Variants in PLCXD3 observed in about 807,000 individuals in gnomAD.
The protein encoded by PLCXD3 is PI-PLC X domain-containing protein 3.
A neutral mutation model predicts 25.5 loss-of-function variants in PLCXD3; 19 were observed. That is an observed-to-expected ratio of 0.75 (90% CI 0.52 to 1.09). The LOEUF is 1.09. Among genes scored for constraint, PLCXD3 ranks in the 50% least tolerant of loss-of-function variants. The probability of loss-of-function intolerance (pLI) is 0.00; values close to 1 mark genes in which losing one functional copy is unlikely to be tolerated. For missense variants in PLCXD3, 411 were observed against 388.1 expected, an observed-to-expected ratio of 1.06 and a Z score of -0.50; for synonymous variants, 174 against 137.6, an observed-to-expected ratio of 1.26 and a Z score of -1.85.
intron 1 of PLCXD3, among the ~76,000 whole-genome samples, chr5:41,489,719 G>C (rs541912572): frequency 1.3e-5 from 2 of 152,188 alleles, no homozygotes; most frequent in East Asian, 1.9e-4. Flanking sequence ...GTTCACTCAT[G>C]ATTTGGCTCT....
At chr5:41,436,651 A>G (rs1168347438) in intron 1 of PLCXD3, among the ~76,000 whole-genome samples, 2 of 152,180 alleles carry the variant, frequency 1.3e-5, no homozygotes, top group East Asian at 1.9e-4. Flanking sequence ...TTTCAATGCA[A>G]CAAAACCACC....
intron 1 of PLCXD3, among the ~76,000 whole-genome samples, chr5:41,411,080 A>C (rs1333975252): frequency 6.6e-6 from 1 of 152,174 alleles, no homozygotes; most frequent in Non-Finnish European, 1.5e-5. Flanking sequence ...ACTATTCTGA[A>C]AGACAATGAC....
chr5:41,419,421 A>G (rs1025920794), intron 1 of PLCXD3, among the ~76,000 whole-genome samples: 12 of 152,210 alleles, frequency 7.9e-5, no homozygotes, highest in Non-Finnish European at 1.6e-4. Context: ...TTCCTAGGAT[A>G]TGATAGTGTT....
At chr5:41,317,013 C>A (rs1296583491) in intron 2 of PLCXD3, among the ~76,000 whole-genome samples, 1 of 152,204 alleles carries the variant, frequency 6.6e-6, no homozygotes. Context: ...AGAAACCATA[C>A]ACAATAGCCA....
chr5:41,508,109 G>C (rs1052647524), intron 1 of PLCXD3, among the ~76,000 whole-genome samples: 1 of 152,204 alleles, frequency 6.6e-6, no homozygotes, highest in East Asian at 1.9e-4. Flanking sequence ...GTATTGGAGT[G>C]AGAAGGGGAA....
At position 41,458,054 on chromosome 5, in the gene PLCXD3, A is replaced by T. The variant is rs543710896; in HGVS notation, c.103+52370T>A. 3.2e-4 allele frequency among the ~76,000 whole-genome samples: 48 copies of T among 151,976 alleles called. 1 individual carries two copies. The South Asian group carries it at 9.3e-3, about 30-fold the overall frequency. ...TATGGTTGCTTGAGACAGAACAATGATTTAAAAGGGAGAAACTAAATAGGA... is the reference window on the plus strand; with the variant it reads ...TATGGTTGCTTGAGACAGAACAATGTTTTAAAAGGGAGAAACTAAATAGGA... On this transcript the variant is annotated intron_variant, in intron 1 of 2. Transcript: ENST00000377801.
intron 1 of PLCXD3, among the ~76,000 whole-genome samples, chr5:41,414,922 G>T (rs1471204413): frequency 6.6e-6 from 1 of 152,120 alleles, no homozygotes; most frequent in African/African-American, 2.4e-5. Context: ...TGCGATAATG[G>T]CCTGAAAGCT....
At chr5:41,446,408 C>G (rs931931271) in intron 1 of PLCXD3, among the ~76,000 whole-genome samples, 2 of 151,964 alleles carry the variant, frequency 1.3e-5, no homozygotes, top group East Asian at 3.9e-4. Context: ...GCTGGCTGTT[C>G]ATTCTAAAAC....
Position 41,382,537 on chromosome 5 carries a change from A to G in PLCXD3, c.104-3T>C, listed in dbSNP as rs779109844. On this transcript the variant is annotated splice_region_variant and splice_polypyrimidine_tract_variant and intron_variant, in intron 1 of 2. Transcript: ENST00000377801. ...GAAGCTGAAGGAATCATGAGACCCT[A>G]GGAGAATAACAAGGCATAGTGTGGT... The G allele has an allele frequency of 1.3e-5, 21 of 1,583,908 alleles. No individual in the cohort carries two copies. The East Asian group carries it at 4.5e-4, about 34-fold the overall frequency.
At chr5:41,480,295 T>G (rs1308455461) in intron 1 of PLCXD3, among the ~76,000 whole-genome samples, 2 of 152,130 alleles carry the variant, frequency 1.3e-5, no homozygotes, top group Non-Finnish European at 2.9e-5. Flanking sequence ...TGAGAGGCTC[T>G]CTGAGCTCCA....
chr5:41,492,529 T>C (rs1580400992), intron 1 of PLCXD3, among the ~76,000 whole-genome samples: 1 of 152,340 alleles, frequency 6.6e-6, no homozygotes, highest in East Asian at 1.9e-4. Context: ...CTGCAGAGTG[T>C]TTTCCAATTT....
At chr5:41,368,725 T>C (rs1451393420) in intron 2 of PLCXD3, among the ~76,000 whole-genome samples, 2 of 152,212 alleles carry the variant, frequency 1.3e-5, no homozygotes, top group Non-Finnish European at 2.9e-5. Context: ...ATACCTAATT[T>C]ATTGAGAGCT....
At chr5:41,391,486 A>G (rs1238101252) in intron 1 of PLCXD3, among the ~76,000 whole-genome samples, 2 of 152,182 alleles carry the variant, frequency 1.3e-5, no homozygotes, top group Non-Finnish European at 2.9e-5. Flanking sequence ...CCTTGAAGAA[A>G]GAGATGTAGT....
chr5:41,402,235 C>A (rs1561261975), intron 1 of PLCXD3, among the ~76,000 whole-genome samples: 1 of 151,586 alleles, frequency 6.6e-6, no homozygotes, highest in Non-Finnish European at 1.5e-5. Flanking sequence ...ATAGCTTTTT[C>A]TCTAAGTACT....
At chr5:41,400,075 G>C (rs1471898009) in intron 1 of PLCXD3, among the ~76,000 whole-genome samples, 1 of 152,040 alleles carries the variant, frequency 6.6e-6, no homozygotes, top group Admixed American at 6.6e-5. Flanking sequence ...AGACAAACAG[G>C]CATGTGAACA....
chr5:41,402,233 T>C (rs1029588815), intron 1 of PLCXD3, among the ~76,000 whole-genome samples: 1 of 151,858 alleles, frequency 6.6e-6, no homozygotes, highest in Non-Finnish European at 1.5e-5. Flanking sequence ...TGATAGCTTT[T>C]TCTCTAAGTA....
chr5:41,320,590 G>A (rs1242045008), intron 2 of PLCXD3, among the ~76,000 whole-genome samples: 2 of 152,144 alleles, frequency 1.3e-5, no homozygotes, highest in Non-Finnish European at 2.9e-5. Flanking sequence ...TCCACCTCCC[G>A]GGTTCACACC....
intron 1 of PLCXD3, among the ~76,000 whole-genome samples, chr5:41,506,922 A>G (rs190880770): frequency 6.6e-6 from 1 of 152,224 alleles, no homozygotes; most frequent in East Asian, 1.9e-4. Context: ...TGTGGCCAAT[A>G]TTTTATTATT....
chr5:41,321,592 T>A (rs180714756), intron 2 of PLCXD3, among the ~76,000 whole-genome samples: 6 of 152,270 alleles, frequency 3.9e-5, no homozygotes, highest in African/African-American at 1.4e-4. Context: ...CTAAAATTTA[T>A]GTGGAAACAC....
Sources: allele counts gnomAD v4.1 joint callset (sites outside exome capture counted in the v4.1 genomes callset), GRCh38; gene constraint gnomAD v4.1.1; transcripts MANE v1.5; gene names NCBI Gene and HGNC (gene_info 2026-07-23, HGNC 2026-07-21).